The following KCNQ5 variants were observed in gnomAD, a reference collection of about 807,000 sequenced individuals.
The protein encoded by KCNQ5 is potassium voltage-gated channel subfamily KQT member 5.
In KCNQ5, 30 loss-of-function variants were observed where a neutral mutation model predicts 98.2. The ratio of observed to expected loss-of-function variants is 0.31; its 90% CI spans 0.23 to 0.41. The LOEUF is 0.41. Among genes scored for constraint, KCNQ5 ranks in the 10% least tolerant of loss-of-function variants. The probability of loss-of-function intolerance (pLI) is 1.00; values close to 1 mark genes in which losing one functional copy is unlikely to be tolerated. For synonymous variants in KCNQ5, 458 were observed against 449.4 expected, an observed-to-expected ratio of 1.02 and a Z score of -0.24; for missense variants, 835 against 1,182.5, an observed-to-expected ratio of 0.71 and a Z score of 4.31.
At chr6:72,981,457 T>C (rs1225328445) in intron 1 of KCNQ5, among the ~76,000 whole-genome samples, 1 of 152,214 alleles carries the variant, frequency 6.6e-6, no homozygotes, top group Non-Finnish European at 1.5e-5. Context: ...GAGGTGTTTA[T>C]AGTATTCTCT....
At chr6:72,866,150 GA>G (rs146608516) in intron 1 of KCNQ5, among the ~76,000 whole-genome samples, 2,034 of 151,580 alleles carry the variant, frequency 0.013, 35 homozygotes, top group African/African-American at 0.047. Context: ...AGGCAAGGTT[GA>G]AATCATGTTT....
intron 2 of KCNQ5, among the ~76,000 whole-genome samples, chr6:73,041,305 C>T (rs1771675115): frequency 6.6e-6 from 1 of 152,130 alleles, no homozygotes; most frequent in South Asian, 2.1e-4. Flanking sequence ...CAGCTCTTGC[C>T]AAAGGGCAGC....
At chr6:73,174,145 C>A (rs935376653) in intron 11 of KCNQ5, among the ~76,000 whole-genome samples, 2 of 150,342 alleles carry the variant, frequency 1.3e-5, no homozygotes, top group African/African-American at 4.9e-5. Flanking sequence ...TGTCAAATTG[C>A]TATTAAAAGT....
At chr6:73,013,955 T>G (rs530033692) in intron 2 of KCNQ5, among the ~76,000 whole-genome samples, 71 of 152,266 alleles carry the variant, frequency 4.7e-4, no homozygotes, top group African/African-American at 1.6e-3. Context: ...GAATTCTAAA[T>G]TCTGTTTTGC....
intron 2 of KCNQ5, among the ~76,000 whole-genome samples, chr6:73,005,297 A>C (rs1467756421): frequency 6.6e-6 from 1 of 152,220 alleles, no homozygotes; most frequent in Non-Finnish European, 1.5e-5. Context: ...TGATAACACA[A>C]ATGATCTGAG....
intron 1 of KCNQ5, among the ~76,000 whole-genome samples, chr6:73,001,796 A>G (rs918983161): frequency 3.9e-5 from 6 of 152,222 alleles, no homozygotes; most frequent in African/African-American, 1.4e-4. Flanking sequence ...TTAGTCCATT[A>G]GGACCAACTT....
chr6:72,782,286 C>T (rs1439463547), intron 1 of KCNQ5, among the ~76,000 whole-genome samples: 2 of 152,034 alleles, frequency 1.3e-5, no homozygotes, highest in African/African-American at 4.8e-5. Flanking sequence ...CTTTCAGGTA[C>T]ATCCTGATGA....
chr6:72,963,072 G>C (rs1421778916), intron 1 of KCNQ5, among the ~76,000 whole-genome samples: 2 of 152,134 alleles, frequency 1.3e-5, no homozygotes, highest in African/African-American at 4.8e-5. Flanking sequence ...AAAGCACTAA[G>C]TTAATTTACA....
intron 6 of KCNQ5, 148 bp from the exon 7 acceptor site, chr6:73,111,160 A>G: frequency 1.6e-6 from 1 of 631,520 alleles, no homozygotes; most frequent in East Asian, 2.8e-5. Flanking sequence ...ATGGAGATAA[A>G]TACTGCTTAT....
At chr6:72,803,544 T>G (rs563316988) in intron 1 of KCNQ5, among the ~76,000 whole-genome samples, 1 of 152,282 alleles carries the variant, frequency 6.6e-6, no homozygotes, top group South Asian at 2.1e-4. Flanking sequence ...AGGCACTGGA[T>G]CTGTCCTATA....
intron 2 of KCNQ5, among the ~76,000 whole-genome samples, chr6:73,029,195 T>C (rs935609897): frequency 6.6e-6 from 1 of 152,188 alleles, no homozygotes; most frequent in African/African-American, 2.4e-5. Context: ...GAGTCATCTC[T>C]ATCAGAGATA....
intron 1 of KCNQ5, among the ~76,000 whole-genome samples, chr6:72,623,700 TTTG>T (rs2098916714): frequency 6.6e-6 from 1 of 152,186 alleles, no homozygotes; most frequent in Non-Finnish European, 1.5e-5. Context: ...CTGCTTCTTT[TTTG>T]TTAAGATGAA....
At chr6:73,056,408 A>G (rs1203383834) in intron 3 of KCNQ5, among the ~76,000 whole-genome samples, 1 of 152,224 alleles carries the variant, frequency 6.6e-6, no homozygotes, top group East Asian at 1.9e-4. Context: ...ATTTAAAAAA[A>G]AAAAAGTATA....
chr6:72,854,679 A>C (rs1259207456), intron 1 of KCNQ5, among the ~76,000 whole-genome samples: 8 of 149,286 alleles, frequency 5.4e-5, no homozygotes, highest in African/African-American at 2.0e-4. Flanking sequence ...TCATATCTAA[A>C]TGACTTGTTA....
Position 72,622,710 on chromosome 6 carries a change from C to A in KCNQ5, c.398+123C>A. 9.9e-7 allele frequency: 1 copy of A among 1,009,980 alleles called. No individual in the cohort carries two copies. The highest frequency in any genetic ancestry group is 1.6e-5 in the South Asian group (1 of 62,636). The allele number at this position is 1,009,980 out of a possible 1,614,324, so 62.6% of individuals were successfully genotyped here. ...CGTGCACACGTGGTGGCTTTTATTT[C>A]TTCGCACGTGTTCGTGGTCTTCCTT... is the stretch of plus-strand genomic sequence containing the variant. On this transcript the variant is annotated intron_variant, in intron 1 of 13. Transcript: ENST00000370398. The surrounding 1 kb of genome is among the most constrained non-coding windows in gnomAD (Gnocchi z 6.0).
chr6:73,172,858 T>C (rs993659542), intron 11 of KCNQ5, among the ~76,000 whole-genome samples: 2 of 152,226 alleles, frequency 1.3e-5, no homozygotes, highest in Admixed American at 1.3e-4. Context: ...CAAATTAAAA[T>C]GTGTAACAAA....
chr6:73,164,102 C>A (rs991750862), intron 10 of KCNQ5, among the ~76,000 whole-genome samples: 5 of 151,976 alleles, frequency 3.3e-5, no homozygotes, highest in Admixed American at 6.5e-5. Context: ...GTTTTTGTGA[C>A]CAGAAATATG....
At chr6:72,956,039 C>G (rs1767028513) in intron 1 of KCNQ5, among the ~76,000 whole-genome samples, 1 of 152,186 alleles carries the variant, frequency 6.6e-6, no homozygotes, top group Non-Finnish European at 1.5e-5. Context: ...TTAACAGAAA[C>G]TTTTCCATTG....
intron 1 of KCNQ5, among the ~76,000 whole-genome samples, chr6:72,929,955 T>A (rs560345070): frequency 6.6e-6 from 1 of 152,290 alleles, no homozygotes; most frequent in South Asian, 2.1e-4. Context: ...TTTTCTTTAT[T>A]CCATAACTGT....
Sources: allele counts gnomAD v4.1 joint callset (sites outside exome capture counted in the v4.1 genomes callset), GRCh38; gene constraint gnomAD v4.1.1; non-coding constraint Gnocchi (gnomAD v3.1); transcripts MANE v1.5; gene names NCBI Gene and HGNC (gene_info 2026-07-23, HGNC 2026-07-21).